Variants in ZDHHC15 observed in about 807,000 individuals in gnomAD.
ZDHHC15 encodes zDHHC palmitoyltransferase 15.
Under a neutral mutation model 31.7 loss-of-function variants are expected in ZDHHC15, and 19 were observed. The observed-to-expected ratio is 0.60, with a 90% CI of 0.42 to 0.88. ZDHHC15 has a LOEUF of 0.88. Among genes scored for constraint, ZDHHC15 ranks in the 40% least tolerant of loss-of-function variants. The pLI, the probability that ZDHHC15 is intolerant of heterozygous loss-of-function variation, is 0.00. For missense variants in ZDHHC15, 209 were observed against 251.2 expected (o/e 0.83, Z 1.14); for synonymous variants, 103 against 90.0 (o/e 1.14, Z -0.82).
At position 75,380,242 on chromosome X, in the gene ZDHHC15, C is replaced by T. The variant is rs193078027; in HGVS notation, c.968-1044G>A. ...TAAGCATATATCTCATCTTGCCTAC[C>T]CAACATTTCTACTAAGAAGGCAACT... On this transcript the variant is annotated intron_variant, in intron 10 of 11. Transcript: ENST00000373367. Among the ~76,000 whole-genome samples the T allele has an allele frequency of 4.2e-4, 47 of 111,799 alleles. 1 individual carries two copies. Among genetic ancestry groups the T allele is most frequent in the Admixed American group, 3.4e-3 (36 of 10,513 alleles).
intron 4 of ZDHHC15, among the ~76,000 whole-genome samples, chrX:75,445,469 T>TGAG (rs1202135123): frequency 1.8e-5 from 2 of 111,858 alleles, no homozygotes; most frequent in Non-Finnish European, 3.8e-5. Context: ...ATGAATAAAA[T>TGAG]GAGGTTGGCT....
intron 3 of ZDHHC15, 23 bp from the exon 4 acceptor site, chrX:75,450,945 A>G: frequency 4.2e-6 from 5 of 1,193,864 alleles, no homozygotes; most frequent in Non-Finnish European, 5.6e-6. Flanking sequence ...GTGAAAGGTA[A>G]GACTTTATTA....
chrX:75,441,564 T>G (rs1156308324), intron 4 of ZDHHC15, among the ~76,000 whole-genome samples: 1 of 110,829 alleles, frequency 9.0e-6, no homozygotes, highest in Non-Finnish European at 1.9e-5. Flanking sequence ...GGCAAGATGC[T>G]TCTTTCAAAG....
chrX:75,476,961 T>C (rs1165726954), intron 3 of ZDHHC15, among the ~76,000 whole-genome samples: 1 of 111,299 alleles, frequency 9.0e-6, no homozygotes, highest in African/African-American at 3.3e-5. Flanking sequence ...TTTTTTAAGA[T>C]GAAAAGTCAG....
intron 2 of ZDHHC15, among the ~76,000 whole-genome samples, chrX:75,484,777 T>C (rs1602707459): frequency 8.9e-6 from 1 of 112,133 alleles, no homozygotes; most frequent in East Asian, 2.8e-4. Flanking sequence ...TATATTCTTA[T>C]CAGCTTTATT....
intron 3 of ZDHHC15, among the ~76,000 whole-genome samples, chrX:75,451,872 C>T (rs2084124101): frequency 9.0e-6 from 1 of 111,202 alleles, no homozygotes; most frequent in Admixed American, 9.6e-5. Flanking sequence ...AAAAGAGCTC[C>T]TGAAGGAACC....
At chrX:75,491,643 A>T (rs963858940) in intron 2 of ZDHHC15, among the ~76,000 whole-genome samples, 1 of 110,944 alleles carries the variant, frequency 9.0e-6, no homozygotes, top group Admixed American at 9.7e-5. Flanking sequence ...AAATAAAAGA[A>T]AAAAAAGAAA....
At chrX:75,425,498 T>C (rs772397760) in intron 7 of ZDHHC15, among the ~76,000 whole-genome samples, 24 of 112,284 alleles carry the variant, frequency 2.1e-4, no homozygotes, top group Non-Finnish European at 9.4e-5. Context: ...TTTTCCGACA[T>C]GCAGCCTAGA....
chrX:75,478,570 A>G (rs979937686), intron 3 of ZDHHC15, among the ~76,000 whole-genome samples: 1 of 111,174 alleles, frequency 9.0e-6, no homozygotes, highest in Admixed American at 9.6e-5. Context: ...CTGTGTATTG[A>G]CAGGGTCTCA....
chrX:75,503,445 C>A (rs2085115778), intron 2 of ZDHHC15, among the ~76,000 whole-genome samples: 1 of 110,893 alleles, frequency 9.0e-6, no homozygotes, highest in Admixed American at 9.7e-5. Flanking sequence ...CAATAAAAAT[C>A]ATAATCATAA....
intron 2 of ZDHHC15, among the ~76,000 whole-genome samples, chrX:75,486,800 C>A (rs188725352): frequency 9.0e-6 from 1 of 111,007 alleles, no homozygotes; most frequent in Non-Finnish European, 1.9e-5. Flanking sequence ...TGAGAATCAC[C>A]GCCCCTCCAC....
intron 3 of ZDHHC15, among the ~76,000 whole-genome samples, chrX:75,456,938 C>A (rs753452354): frequency 5.4e-5 from 6 of 111,522 alleles, no homozygotes; most frequent in African/African-American, 9.8e-5. Context: ...TTTCTCCAAG[C>A]TTTAATTTCC....
intron 4 of ZDHHC15, among the ~76,000 whole-genome samples, chrX:75,450,316 C>A (rs1469206948): frequency 9.0e-6 from 1 of 111,554 alleles, no homozygotes. Flanking sequence ...CATGACAGAA[C>A]TTTCTGAGGT....
intron 2 of ZDHHC15, among the ~76,000 whole-genome samples, chrX:75,496,593 A>G (rs1466474642): frequency 1.8e-5 from 2 of 112,192 alleles, no homozygotes; most frequent in African/African-American, 6.5e-5. Context: ...TGCAAGATAG[A>G]TCATATGACA....
chrX:75,382,850 T>C (rs1378652431), intron 10 of ZDHHC15, among the ~76,000 whole-genome samples: 3 of 111,747 alleles, frequency 2.7e-5, no homozygotes, highest in Non-Finnish European at 5.6e-5. Context: ...AAATGTGATA[T>C]TATAATTGAA....
intron 4 of ZDHHC15, among the ~76,000 whole-genome samples, chrX:75,445,696 G>T (rs1451492522): frequency 8.9e-6 from 1 of 111,878 alleles, no homozygotes; most frequent in Non-Finnish European, 1.9e-5. Flanking sequence ...GTCTTGTAGG[G>T]TATCTACTGT....
chrX:75,397,258 C>A (rs5937373), intron 10 of ZDHHC15, among the ~76,000 whole-genome samples: 1 of 107,329 alleles, frequency 9.3e-6, no homozygotes, highest in African/African-American at 3.4e-5. Flanking sequence ...ACCCAGGAGG[C>A]GGAGGTTGCA....
intron 2 of ZDHHC15, among the ~76,000 whole-genome samples, chrX:75,488,087 G>A (rs769708571): frequency 6.2e-4 from 69 of 111,968 alleles, no homozygotes; most frequent in Middle Eastern, 4.6e-3. Flanking sequence ...CTAAAAGTTC[G>A]GACAACTTAT....
intron 3 of ZDHHC15, among the ~76,000 whole-genome samples, chrX:75,474,296 A>G (rs2084552804): frequency 9.2e-6 from 1 of 109,200 alleles, no homozygotes; most frequent in East Asian, 2.9e-4. Flanking sequence ...CCTGTGCTGG[A>G]CCTTTCATGC....
Sources: gnomAD v4.1 joint callset for allele counts (sites outside exome capture counted in the v4.1 genomes callset) on GRCh38, gnomAD v4.1.1 for gene constraint, MANE v1.5 for transcripts, NCBI Gene and HGNC (gene_info 2026-07-23, HGNC 2026-07-21) for gene names.